SLC12A2: variants seen among roughly 807,000 people sequenced by gnomAD.
SLC12A2 encodes the protein Na-K-2Cl cotransporter 1.
Under a neutral mutation model 136.3 loss-of-function variants are expected in SLC12A2, and 67 were observed. That is an observed-to-expected ratio of 0.49 (90% CI 0.40 to 0.60). The LOEUF is 0.60. Ranked by LOEUF, SLC12A2 falls within the 20% of genes least tolerant of loss-of-function variation. The probability of loss-of-function intolerance (pLI) is 0.00; values close to 1 mark genes in which losing one functional copy is unlikely to be tolerated. For synonymous variants in SLC12A2, 619 were observed against 562.9 expected (o/e 1.10, Z -1.41); for missense variants, 1,322 against 1,534.7 (o/e 0.86, Z 2.32).
intron 1 of SLC12A2, among the ~76,000 whole-genome samples, chr5:128,096,761 C>A (rs1463129029): frequency 1.3e-5 from 2 of 151,994 alleles, no homozygotes; most frequent in East Asian, 1.9e-4. Context: ...AATTATCAGG[C>A]AGATTTGCTG....
chr5:128,153,442 C>T (rs778143306), intron 15 of SLC12A2, among the ~76,000 whole-genome samples: 2 of 152,166 alleles, frequency 1.3e-5, no homozygotes, highest in Non-Finnish European at 2.9e-5. Flanking sequence ...GTAGTCCCAG[C>T]TACTTGGGAG....
intron 15 of SLC12A2, among the ~76,000 whole-genome samples, chr5:128,156,280 CCTTTA>C (rs1762868748): frequency 6.6e-6 from 1 of 152,064 alleles, no homozygotes. Context: ...TTTGTCAAAT[CCTTTA>C]CTTTTCTTCC....
At chr5:128,180,753 T>A in intron 22 of SLC12A2, 130 bp from the exon 23 acceptor site, 1 of 621,852 alleles carries the variant, frequency 1.6e-6, no homozygotes, top group Non-Finnish European at 2.9e-6. Flanking sequence ...TTGACTGAAT[T>A]ATCAAGGAAG....
In SLC12A2 at chr5:128,151,292, C is replaced by A. The variant is rs2126723019; in HGVS notation, c.2159C>A (p.Ala720Glu). Reference protein sequence around the residue: ...YYNMWISLLGAILCCIVMFVI... With the variant: ...YYNMWISLLGEILCCIVMFVI... Reference sequence around the variant, plus strand: ...AACATGTGGATATCACTTCTTGGAGCAATTCTTTGTTGCATAGTAATGTTC... The same window carrying A: ...AACATGTGGATATCACTTCTTGGAGAAATTCTTTGTTGCATAGTAATGTTC... The change falls in exon 14 of 27, where the codon GCA (alanine) becomes GAA (glutamate). Residue 720 changes from alanine to glutamate, a missense_variant. By Grantham distance (107) the Ala-to-Glu change is moderately radical. This residue lies in a region of SLC12A2 where 294 missense variants were observed against 436.6 expected (regional missense o/e 0.67). Transcript: ENST00000262461. 6.2e-7 allele frequency: 1 copy of A among 1,611,980 alleles called. No individual in the cohort carries two copies. Among genetic ancestry groups the A allele is most frequent in the Non-Finnish European group, 8.5e-7 (1 of 1,179,042 alleles).
At chr5:128,095,017 C>T (rs1288647483) in intron 1 of SLC12A2, among the ~76,000 whole-genome samples, 2 of 151,764 alleles carry the variant, frequency 1.3e-5, no homozygotes, top group Non-Finnish European at 2.9e-5. Context: ...AACTCTTTTC[C>T]TTCATTCATT....
Position 128,114,196 on chromosome 5 carries a change from CT to C in SLC12A2, c.877-11del. ...TTCTTCTTCCTCTGTGTCTTGGCCT[CT>C]TTTTCCCTCTTTAGGTACGTTGTAT... On this transcript the variant is annotated splice_polypyrimidine_tract_variant and intron_variant, in intron 2 of 26. Transcript: ENST00000262461. The C allele has an allele frequency of 1.3e-6, 2 of 1,598,438 alleles. No individual in the cohort carries two copies. The highest frequency in any genetic ancestry group is 1.1e-5 in the South Asian group (1 of 90,376).
At position 128,122,026 on chromosome 5, in the gene SLC12A2, C is replaced by A. The variant is rs562555105; in HGVS notation, c.1048+7345C>A. 9.2e-5 allele frequency among the ~76,000 whole-genome samples: 14 copies of A among 152,286 alleles called. No individual in the cohort carries two copies. The South Asian group carries it at 2.7e-3, about 29-fold the overall frequency. On this transcript the variant is annotated intron_variant, in intron 4 of 26. Transcript: ENST00000262461. ...TAGAATAGAGGACAACTGCAGGCAG[C>A]CGTTCATAAGATGAAGACTGTAAAT...
chr5:128,138,534 A>T, intron 7 of SLC12A2, 63 bp from the exon 8 acceptor site: 3 of 1,456,126 alleles, frequency 2.1e-6, no homozygotes, highest in Non-Finnish European at 2.8e-6. Flanking sequence ...ATTATTCTTG[A>T]CCTCAGTTAT....
Position 128,108,300 on chromosome 5 carries a change from A to G in SLC12A2, c.757-4514A>G, listed in dbSNP as rs138597269. ...ATATTATGGTCCAGCAATTCCACTC[A>G]TAGGTGTATCCTCAAGATAAATGAA... On this transcript the variant is annotated intron_variant, in intron 1 of 26. Transcript: ENST00000262461. Among the ~76,000 whole-genome samples, 4 of 152,342 alleles carry G rather than the reference A, an allele frequency of 2.6e-5. No homozygotes were observed. The East Asian group carries it at 7.7e-4, about 29-fold the overall frequency.
chr5:128,176,622 C>G (rs1316741231), intron 20 of SLC12A2, among the ~76,000 whole-genome samples: 7 of 151,886 alleles, frequency 4.6e-5, no homozygotes, highest in Admixed American at 2.0e-4. Flanking sequence ...TGTCTCTGAT[C>G]AAATTTCTTA....
intron 4 of SLC12A2, among the ~76,000 whole-genome samples, chr5:128,115,989 A>G (rs529713553): frequency 1.3e-5 from 2 of 152,324 alleles, no homozygotes; most frequent in South Asian, 4.1e-4. Flanking sequence ...GGATTGAGCT[A>G]TATTGGGATA....
At chr5:128,157,396 G>A (rs563534528) in intron 15 of SLC12A2, among the ~76,000 whole-genome samples, 59 of 152,280 alleles carry the variant, frequency 3.9e-4, no homozygotes, top group Non-Finnish European at 7.2e-4. Flanking sequence ...ATCATTGATA[G>A]CTAGAATTCA....
intron 19 of SLC12A2, among the ~76,000 whole-genome samples, chr5:128,173,787 A>G (rs1763455813): frequency 6.6e-6 from 1 of 152,212 alleles, no homozygotes; most frequent in Non-Finnish European, 1.5e-5. Context: ...GATGAGGATT[A>G]TGGACATACT....
intron 4 of SLC12A2, among the ~76,000 whole-genome samples, chr5:128,121,838 C>G (rs1761593346): frequency 6.6e-6 from 1 of 152,124 alleles, no homozygotes; most frequent in South Asian, 2.1e-4. Context: ...TAGCAGTGTT[C>G]TTGAGAGCTT....
intron 1 of SLC12A2, among the ~76,000 whole-genome samples, chr5:128,085,821 C>T (rs1352845778): frequency 6.6e-6 from 1 of 152,212 alleles, no homozygotes; most frequent in Non-Finnish European, 1.5e-5. Flanking sequence ...GATAATGTAA[C>T]ATTCACACAG....
chr5:128,151,479 A>G, intron 14 of SLC12A2, 83 bp downstream of exon 14: 1 of 1,247,714 alleles, frequency 8.0e-7, no homozygotes, highest in Admixed American at 2.6e-5. Flanking sequence ...GTTATTTTTC[A>G]TTTTAAGCAT....
chr5:128,159,429 C>T (rs560644364), intron 16 of SLC12A2, among the ~76,000 whole-genome samples: 7 of 152,274 alleles, frequency 4.6e-5, no homozygotes, highest in African/African-American at 1.4e-4. Flanking sequence ...TAAAGAACTT[C>T]TGCACAGCAA....
rs1245534395 is a variant in SLC12A2 at position 128,084,729 on chromosome 5, C to T, written c.756+19C>T. 3.3e-5 allele frequency: 51 copies of T among 1,543,118 alleles called. No homozygotes were observed. Among genetic ancestry groups the T allele is most frequent in the Non-Finnish European group, 4.3e-5 (49 of 1,141,992 alleles). On this transcript the variant is annotated intron_variant, in intron 1 of 26. Coordinates refer to ENST00000262461, the MANE Select transcript of SLC12A2 (RefSeq NM_001046.3). This position sits in a 1 kb window ranked among gnomAD's most constrained non-coding sequence, Gnocchi z 5.6. ...GGAAAAGGTGAGCTCGCCCAGCCCTCCCTTCTTCCCCAGCCCCTGGTGCAT... is the reference window on the plus strand; with the variant it reads ...GGAAAAGGTGAGCTCGCCCAGCCCTTCCTTCTTCCCCAGCCCCTGGTGCAT...
intron 1 of SLC12A2, among the ~76,000 whole-genome samples, chr5:128,106,329 T>C (rs1760937436): frequency 6.6e-6 from 1 of 152,180 alleles, no homozygotes; most frequent in African/African-American, 2.4e-5. Flanking sequence ...TAGTTCATAA[T>C]TGCACACTTG....
Sources: gnomAD v4.1 joint callset for allele counts (sites outside exome capture counted in the v4.1 genomes callset) on GRCh38, gnomAD v4.1.1 for gene constraint, gnomAD v4.1.1 regional missense constraint, Gnocchi (gnomAD v3.1) non-coding constraint, MANE v1.5 for transcripts, NCBI Gene and HGNC (gene_info 2026-07-23, HGNC 2026-07-21) for gene names.